The following MYO9A variants were observed in gnomAD, a reference collection of about 807,000 sequenced individuals.
The protein encoded by MYO9A is myosin IXA.
A neutral mutation model predicts 293.3 loss-of-function variants in MYO9A; 103 were observed. The ratio of observed to expected loss-of-function variants is 0.35; its 90% CI spans 0.30 to 0.41. MYO9A has a LOEUF of 0.41. Ranked by LOEUF, MYO9A falls within the 10% of genes least tolerant of loss-of-function variation. The pLI, the probability that MYO9A is intolerant of heterozygous loss-of-function variation, is 1.00. For missense variants in MYO9A, 2,685 were observed against 3,033.0 expected (o/e 0.89, Z 2.69); for synonymous variants, 1,001 against 1,035.7 (o/e 0.97, Z 0.64).
intron 39 of MYO9A, among the ~76,000 whole-genome samples, chr15:71,840,948 C>A (rs1032741993): frequency 2.0e-5 from 3 of 152,096 alleles, no homozygotes; most frequent in African/African-American, 4.8e-5. Flanking sequence ...TTTCTTTGTA[C>A]AAATCTTTTA....
At position 71,822,307 on chromosome 15, in the gene MYO9A, G is replaced by T. The variant is rs971666785; in HGVS notation, c.*4273C>A. On this transcript the variant is annotated 3_prime_UTR_variant, in exon 42 of 42. Transcript: ENST00000356056. ...ACATATTGCTGCTTCTGGAAGCTTT[G>T]TTCTTTAATGAGCCATGGGGTGATT... The T allele has an allele frequency of 6.6e-6, 1 of 152,136 alleles. No individual in the cohort carries two copies. Among genetic ancestry groups the T allele is most frequent in the Admixed American group, 6.5e-5 (1 of 15,276 alleles). 9.4% of individuals were successfully genotyped at this position (152,136 alleles called of 1,614,324 possible).
intron 1 of MYO9A, among the ~76,000 whole-genome samples, chr15:72,062,638 G>A (rs1403407196): frequency 6.6e-6 from 1 of 152,130 alleles, no homozygotes; most frequent in Admixed American, 6.5e-5. Flanking sequence ...CAGGCTACTT[G>A]AAAATACACA....
At position 72,094,820 on chromosome 15, in the gene MYO9A, C is replaced by T. The variant is rs2080022447; in HGVS notation, c.-72+22860G>A. On this transcript the variant is annotated intron_variant, in intron 1 of 41. Coordinates refer to ENST00000356056, the MANE Select transcript of MYO9A (RefSeq NM_006901.4). ...GTAAGCCGCCACACCTAGCTTCAAA[C>T]TTTTTTATTATTATATCTGTTATGG... Among the ~76,000 whole-genome samples the T allele has an allele frequency of 2.2e-5, 2 of 91,984 alleles. 1 individual carries two copies. Among genetic ancestry groups the T allele is most frequent in the Non-Finnish European group, 6.6e-5 (2 of 30,442 alleles). 60.3% of individuals were successfully genotyped at this position (91,984 alleles called of 152,430 possible).
chr15:72,058,193 G>A (rs1037169877), intron 1 of MYO9A, among the ~76,000 whole-genome samples: 2 of 152,266 alleles, frequency 1.3e-5, no homozygotes, highest in East Asian at 3.9e-4. Flanking sequence ...AATAGTGGGA[G>A]ATAGCTGTAA....
intron 15 of MYO9A, among the ~76,000 whole-genome samples, chr15:71,946,865 G>C (rs2058929559): frequency 6.6e-6 from 1 of 152,184 alleles, no homozygotes; most frequent in Non-Finnish European, 1.5e-5. Flanking sequence ...TGTAATCCTA[G>C]TACTTTGGGA....
intron 2 of MYO9A, among the ~76,000 whole-genome samples, chr15:72,043,765 T>C (rs532204825): frequency 6.6e-6 from 1 of 152,274 alleles, no homozygotes; most frequent in Non-Finnish European, 1.5e-5. Context: ...TTCTTGACTG[T>C]GGTGGTGGTT....
chr15:71,905,908 T>C (rs1259421485), intron 19 of MYO9A, among the ~76,000 whole-genome samples: 2 of 152,088 alleles, frequency 1.3e-5, no homozygotes. Context: ...GTATTGGGTT[T>C]CATATATTCT....
chr15:71,947,220 T>C (rs1339484687), intron 15 of MYO9A, among the ~76,000 whole-genome samples: 2 of 148,414 alleles, frequency 1.3e-5, no homozygotes, highest in African/African-American at 2.5e-5. Context: ...AGGTGGAGGT[T>C]GCAGTGAGCC....
intron 1 of MYO9A, among the ~76,000 whole-genome samples, chr15:72,076,161 C>T (rs190202661): frequency 1.4e-3 from 220 of 152,138 alleles, no homozygotes; most frequent in Non-Finnish European, 2.1e-4. Context: ...AAAAATTATC[C>T]AGGCATGGTG....
At position 71,898,822 on chromosome 15, in the gene MYO9A, C is replaced by A. The variant is rs1466754507; in HGVS notation, c.3681G>T (p.Leu1227Phe). 5 of 1,614,158 alleles carry A rather than the reference C, an allele frequency of 3.1e-6. No homozygotes were observed. The highest frequency in any genetic ancestry group is 4.2e-6 in the Non-Finnish European group (5 of 1,180,026). The change falls in exon 25 of 42, where the codon TTG becomes TTT. Residue 1227 changes from leucine (L) to phenylalanine (F), a missense_variant. Physicochemically the swap from Leu to Phe is conservative, Grantham distance 22. Around this residue, in one of 10 missense-constraint regions of MYO9A, gnomAD observed 1,434 missense variants for 1,497.7 expected, o/e 0.96. Transcript: ENST00000356056. ...RISRESSVDC[L>F]KESPNKQQER... Reference sequence around the variant, plus strand: ...CCTGCTGCTTGTTTGGTGACTCCTTCAAGCAGTCCACTGAACTTTCACGGC... The same window carrying A: ...CCTGCTGCTTGTTTGGTGACTCCTTAAAGCAGTCCACTGAACTTTCACGGC...
chr15:71,894,220 G>C (rs2057259262), intron 25 of MYO9A, among the ~76,000 whole-genome samples: 1 of 152,074 alleles, frequency 6.6e-6, no homozygotes, highest in Non-Finnish European at 1.5e-5. Flanking sequence ...GGTTCTTATT[G>C]GTTAGAAAAC....
intron 1 of MYO9A, among the ~76,000 whole-genome samples, chr15:72,073,057 C>T (rs961535433): frequency 6.6e-6 from 1 of 152,166 alleles, no homozygotes; most frequent in Non-Finnish European, 1.5e-5. Flanking sequence ...TAAGACCAGT[C>T]ATGGTTAGTA....
At chr15:72,043,333 TATC>T (rs1423728111) in intron 2 of MYO9A, among the ~76,000 whole-genome samples, 2 of 152,252 alleles carry the variant, frequency 1.3e-5, no homozygotes, top group Admixed American at 1.3e-4. Context: ...AACACATACT[TATC>T]ATCTGATCTA....
At chr15:71,834,379 TAAC>T (rs2054852895) in intron 39 of MYO9A, among the ~76,000 whole-genome samples, 2 of 152,048 alleles carry the variant, frequency 1.3e-5, no homozygotes, top group South Asian at 2.1e-4. Context: ...GAAGAAGAAA[TAAC>T]AAATTCTTCC....
intron 1 of MYO9A, among the ~76,000 whole-genome samples, chr15:72,109,610 C>T (rs1056572541): frequency 2.0e-5 from 3 of 152,028 alleles, no homozygotes; most frequent in Non-Finnish European, 2.9e-5. Flanking sequence ...AAATATTAGT[C>T]GGGTGCAGTG....
intron 9 of MYO9A, among the ~76,000 whole-genome samples, chr15:71,997,282 CA>C (rs2076724752): frequency 6.6e-6 from 1 of 151,968 alleles, no homozygotes; most frequent in Admixed American, 6.6e-5. Flanking sequence ...TTTCTCGGCA[CA>C]AAAATAGAGT....
At chr15:71,925,404 T>C (rs1161972078) in intron 18 of MYO9A, among the ~76,000 whole-genome samples, 2 of 151,524 alleles carry the variant, frequency 1.3e-5, no homozygotes, top group Non-Finnish European at 2.9e-5. Flanking sequence ...TATATACGTA[T>C]ATACATATCT....
intron 19 of MYO9A, among the ~76,000 whole-genome samples, chr15:71,911,495 C>T (rs995825347): frequency 2.0e-5 from 3 of 152,232 alleles, no homozygotes; most frequent in East Asian, 1.9e-4. Context: ...CACATAACAG[C>T]GGATATTTTT....
chr15:71,829,957 C>T, intron 40 of MYO9A, 152 bp downstream of exon 40: 1 of 863,824 alleles, frequency 1.2e-6, no homozygotes, highest in African/African-American at 1.7e-5. Flanking sequence ...TGAGTATAGA[C>T]AACACGTCTT....
Sources: allele counts gnomAD v4.1 joint callset (sites outside exome capture counted in the v4.1 genomes callset), GRCh38; gene constraint gnomAD v4.1.1; regional missense constraint gnomAD v4.1.1; transcripts MANE v1.5; gene names NCBI Gene and HGNC (gene_info 2026-07-23, HGNC 2026-07-21).